PCSK5: variants seen among roughly 807,000 people sequenced by gnomAD.
PCSK5 encodes the protein prohormone convertase 5.
In PCSK5, 129 loss-of-function variants were observed where a neutral mutation model predicts 233.2. The observed-to-expected ratio is 0.55, with a 90% CI of 0.48 to 0.64. The LOEUF is 0.64. PCSK5 is among the 30% of genes least tolerant of loss of function. PCSK5 has a pLI of 0.00. For synonymous variants in PCSK5, 825 were observed against 879.2 expected, an observed-to-expected ratio of 0.94 and a Z score of 1.09; for missense variants, 2,076 against 2,430.1, an observed-to-expected ratio of 0.85 and a Z score of 3.06.
intron 2 of PCSK5, among the ~76,000 whole-genome samples, chr9:75,962,968 G>A (rs973340504): frequency 2.0e-5 from 3 of 152,152 alleles, no homozygotes; most frequent in Non-Finnish European, 2.9e-5. Context: ...CTAGCTGTGG[G>A]AACATGGGCA....
At chr9:76,249,584 A>G (rs76494128) in intron 24 of PCSK5, among the ~76,000 whole-genome samples, 2,027 of 152,346 alleles carry the variant, frequency 0.013, 28 homozygotes, top group South Asian at 0.041. Context: ...GTGGTTTCTA[A>G]TACCATTCTC....
At chr9:76,217,543 C>T (rs1480626004) in intron 20 of PCSK5, among the ~76,000 whole-genome samples, 1 of 152,228 alleles carries the variant, frequency 6.6e-6, no homozygotes, top group Non-Finnish European at 1.5e-5. Context: ...GGTTATGGAA[C>T]TTGCCCAAGG....
At chr9:76,322,171 A>AT (rs1173907646) in intron 31 of PCSK5, among the ~76,000 whole-genome samples, 2 of 152,114 alleles carry the variant, frequency 1.3e-5, no homozygotes, top group African/African-American at 4.8e-5. Context: ...GCTGGTCTCA[A>AT]ACTCCTGACC....
chr9:76,248,785 T>G (rs1382107953), intron 24 of PCSK5, among the ~76,000 whole-genome samples: 2 of 152,196 alleles, frequency 1.3e-5, no homozygotes, highest in African/African-American at 4.8e-5. Flanking sequence ...ATATTCTTTT[T>G]GTTTTGTTGT....
chr9:76,057,509 C>G (rs147087112), intron 5 of PCSK5, among the ~76,000 whole-genome samples: 1,991 of 152,218 alleles, frequency 0.013, 24 homozygotes, highest in Non-Finnish European at 0.022. Context: ...TTAACTGTTA[C>G]ATAATGCATA....
chr9:75,889,905 G>A (rs1183602366), upstream of PCSK5, among the ~76,000 whole-genome samples: 1 of 152,220 alleles, frequency 6.6e-6, no homozygotes, highest in African/African-American at 2.4e-5. Context: ...TTACAGGACT[G>A]TGCTTGGAAA....
At chr9:76,210,920 G>A (rs1357897591) in intron 20 of PCSK5, among the ~76,000 whole-genome samples, 1 of 152,156 alleles carries the variant, frequency 6.6e-6, no homozygotes, top group Non-Finnish European at 1.5e-5. Flanking sequence ...AGGAGGGATC[G>A]GGGATGACTC....
intron 2 of PCSK5, among the ~76,000 whole-genome samples, chr9:75,936,711 T>C (rs1334819088): frequency 6.6e-6 from 1 of 152,176 alleles, no homozygotes; most frequent in Non-Finnish European, 1.5e-5. Flanking sequence ...TCCATGAGGG[T>C]TGGAATCAAC....
At chr9:76,078,838 A>G (rs1243355280) in intron 7 of PCSK5, among the ~76,000 whole-genome samples, 2 of 152,164 alleles carry the variant, frequency 1.3e-5, no homozygotes, top group Non-Finnish European at 2.9e-5. Flanking sequence ...ATTTTAGAAT[A>G]GTTTTTACTA....
intron 1 of PCSK5, among the ~76,000 whole-genome samples, chr9:75,895,208 C>G (rs1212470453): frequency 6.6e-6 from 1 of 152,210 alleles, no homozygotes. Flanking sequence ...ACTTTCGAGG[C>G]TGTGAAAGCA....
chr9:76,087,323 C>G (rs1831105845), intron 7 of PCSK5, among the ~76,000 whole-genome samples: 2 of 152,102 alleles, frequency 1.3e-5, no homozygotes, highest in South Asian at 4.1e-4. Context: ...CAATTTTTTT[C>G]TTTCTATTCA....
chr9:76,341,200 G>A (rs4744785), intron 35 of PCSK5, among the ~76,000 whole-genome samples: 58,967 of 151,620 alleles, frequency 0.39, 12,005 homozygotes, highest in East Asian at 0.75. Context: ...ACTCCAGCCT[G>A]GGTGACAGAG....
chr9:76,190,332 A>ATT (rs3077112), intron 20 of PCSK5, among the ~76,000 whole-genome samples: 3 of 146,084 alleles, frequency 2.1e-5, no homozygotes, highest in Non-Finnish European at 4.5e-5. Context: ...CCCACTACTG[A>ATT]TTTTTTTTTT....
intron 34 of PCSK5, among the ~76,000 whole-genome samples, chr9:76,336,839 A>G (rs1829691240): frequency 6.6e-6 from 1 of 152,152 alleles, no homozygotes; most frequent in South Asian, 2.1e-4. Flanking sequence ...GACTGGCCCA[A>G]GGTCATACAG....
At chr9:76,357,530 C>T (rs1490596726) in intron 37 of PCSK5, among the ~76,000 whole-genome samples, 1 of 151,668 alleles carries the variant, frequency 6.6e-6, no homozygotes, top group Admixed American at 6.6e-5. Context: ...AAAAAAAAAA[C>T]TCTTAATAAT....
intron 5 of PCSK5, among the ~76,000 whole-genome samples, chr9:76,051,107 A>G (rs1829614982): frequency 6.6e-6 from 1 of 152,182 alleles, no homozygotes; most frequent in Non-Finnish European, 1.5e-5. Flanking sequence ...AGACTTCATC[A>G]TTTATCTGTA....
At chr9:75,989,116 C>T (rs781572683) in intron 3 of PCSK5, among the ~76,000 whole-genome samples, 2 of 152,192 alleles carry the variant, frequency 1.3e-5, no homozygotes, top group Non-Finnish European at 2.9e-5. Flanking sequence ...TCTGTTAGGA[C>T]AGAACGAGTC....
intron 30 of PCSK5, among the ~76,000 whole-genome samples, chr9:76,315,126 G>T (rs528789228): frequency 6.7e-6 from 1 of 149,172 alleles, no homozygotes; most frequent in East Asian, 2.0e-4. Context: ...CTAATTTTTT[G>T]TATTTTTAGT....
intron 36 of PCSK5, among the ~76,000 whole-genome samples, chr9:76,353,564 G>C (rs763410325): frequency 4.6e-5 from 7 of 152,232 alleles, no homozygotes; most frequent in Non-Finnish European, 2.9e-5. Context: ...GGAAAGAGGG[G>C]TCATCGCCAC....
Sources: allele counts gnomAD v4.1 joint callset (sites outside exome capture counted in the v4.1 genomes callset), GRCh38; gene constraint gnomAD v4.1.1; transcripts MANE v1.5; gene names NCBI Gene and HGNC (gene_info 2026-07-23, HGNC 2026-07-21).